PAK3: variants seen among roughly 807,000 people sequenced by gnomAD.
PAK3 encodes the protein serine/threonine-protein kinase PAK 3.
Under a neutral mutation model 41.0 loss-of-function variants are expected in PAK3, and 4 were observed. That is an observed-to-expected ratio of 0.10 (90% CI 0.05 to 0.22). The LOEUF is 0.22. Ranked by LOEUF, PAK3 falls within the 10% of genes least tolerant of loss-of-function variation. The pLI is 1.00. For synonymous variants in PAK3, 146 were observed against 139.6 expected (o/e 1.05, Z -0.32); for missense variants, 205 against 409.9 (o/e 0.50, Z 4.32).
At chrX:110,983,480 C>CAGAGAGAGAGAGAGAGAG (rs768492408) in intron 1 of PAK3, among the ~76,000 whole-genome samples, 3,539 of 99,460 alleles carry the variant, frequency 0.036, 75 homozygotes, top group Non-Finnish European at 0.044. Flanking sequence ...AAGAGAAAGA[C>CAGAGAGAGAGAGAGAGAG]AGAGAGAGAG....
chrX:111,138,810 A>G (rs1271391060), intron 5 of PAK3, among the ~76,000 whole-genome samples: 2 of 110,979 alleles, frequency 1.8e-5, no homozygotes, highest in African/African-American at 3.3e-5. Context: ...CTTTTAACTT[A>G]TGGGTAATAG....
chrX:111,192,450 T>C, intron 12 of PAK3, 56 bp from the exon 13 acceptor site: 4 of 668,361 alleles, frequency 6.0e-6, no homozygotes, highest in Non-Finnish European at 9.9e-6. Flanking sequence ...AAAATATGAA[T>C]ATTCATGTTT....
chrX:111,104,329 A>G (rs984952853), intron 4 of PAK3, among the ~76,000 whole-genome samples: 4 of 111,338 alleles, frequency 3.6e-5, no homozygotes, highest in African/African-American at 1.3e-4. Flanking sequence ...ATTAAAAAAA[A>G]AAAACAGAAA....
At chrX:111,053,312 A>G (rs1051759839) in intron 1 of PAK3, among the ~76,000 whole-genome samples, 4 of 111,494 alleles carry the variant, frequency 3.6e-5, no homozygotes, top group Non-Finnish European at 7.5e-5. Flanking sequence ...TCAGCTTGCT[A>G]CCAGTGTCAG....
chrX:110,965,692 A>G (rs149843904), intron 1 of PAK3, among the ~76,000 whole-genome samples: 97 of 112,422 alleles, frequency 8.6e-4, no homozygotes, highest in African/African-American at 2.9e-3. Context: ...AAGAATAACA[A>G]TAGTACTTCC....
intron 15 of PAK3, among the ~76,000 whole-genome samples, chrX:111,196,194 T>G (rs1302600907): frequency 8.9e-6 from 1 of 112,128 alleles, no homozygotes; most frequent in East Asian, 2.8e-4. Flanking sequence ...TGAAAAATTC[T>G]GTAAGTTTGA....
chrX:111,056,189 C>T (rs1292241030), intron 1 of PAK3, among the ~76,000 whole-genome samples: 1 of 111,485 alleles, frequency 9.0e-6, no homozygotes, highest in Non-Finnish European at 1.9e-5. Flanking sequence ...GTTCCTGGAA[C>T]CAGAATGGTT....
At chrX:111,068,188 A>T (rs2092714904) in intron 1 of PAK3, among the ~76,000 whole-genome samples, 1 of 111,202 alleles carries the variant, frequency 9.0e-6, no homozygotes, top group Non-Finnish European at 1.9e-5. Context: ...TGAAGGTTTG[A>T]CTCTTAAAAA....
Position 111,173,022 on chromosome X carries a change from C to A in PAK3, c.771C>A (p.Ser257Arg), listed in dbSNP as rs1307126288. ...TDEEILEKLR[S>R]IVSVGDPKKK... is the part of the protein sequence containing the mutation. Reference sequence around the variant, plus strand: ...CTCTCCCCACCCATCTCTTAGGAAGCATTGTGAGTGTTGGGGACCCAAAGA... The same window carrying A: ...CTCTCCCCACCCATCTCTTAGGAAGAATTGTGAGTGTTGGGGACCCAAAGA... Residue 257 changes from serine to arginine, a missense_variant, in exon 11 of 18, where the codon AGC (serine) becomes AGA (arginine). Coordinates refer to ENST00000372007, the MANE Select transcript of PAK3 (RefSeq NM_002578.5). 1 of 1,108,961 alleles carries A rather than the reference C, an allele frequency of 9.0e-7. No individual in the cohort carries two copies. The highest frequency in any genetic ancestry group is 1.2e-6 in the Non-Finnish European group (1 of 803,768). The allele number at this position is 1,108,961 out of a possible 1,213,427, so 91.4% of individuals were successfully genotyped here.
At chrX:111,006,839 TTCTTTCTTTC>T (rs1168851244) in intron 1 of PAK3, among the ~76,000 whole-genome samples, 51 of 12,915 alleles carry the variant, frequency 3.9e-3, no homozygotes, top group African/African-American at 5.7e-3. Context: ...CTTTCTTTCT[TTCTTTCTTTC>T]TTTTTTTTTT....
At chrX:111,154,299 T>A (rs1242414069) in intron 8 of PAK3, among the ~76,000 whole-genome samples, 1 of 111,429 alleles carries the variant, frequency 9.0e-6, no homozygotes, top group Non-Finnish European at 1.9e-5. Flanking sequence ...TTATGTTATA[T>A]ATATTTTGCT....
At chrX:111,053,073 T>C (rs888122193) in intron 1 of PAK3, among the ~76,000 whole-genome samples, 1 of 112,196 alleles carries the variant, frequency 8.9e-6, no homozygotes, top group Non-Finnish European at 1.9e-5. Context: ...CTGTGACATA[T>C]TCAGGAATAT....
intron 5 of PAK3, among the ~76,000 whole-genome samples, chrX:111,128,985 C>T (rs756996504): frequency 9.0e-6 from 1 of 110,994 alleles, no homozygotes; most frequent in South Asian, 3.8e-4. Flanking sequence ...TCTTAAAGTA[C>T]TATATAGTTT....
At chrX:111,079,398 T>C (rs2092815763) in intron 1 of PAK3, among the ~76,000 whole-genome samples, 2 of 111,977 alleles carry the variant, frequency 1.8e-5, no homozygotes, top group African/African-American at 6.5e-5. Flanking sequence ...TCTACTCTGA[T>C]TATGCTCCAT....
intron 11 of PAK3, among the ~76,000 whole-genome samples, chrX:111,191,265 A>T (rs1051772524): frequency 2.7e-5 from 3 of 110,798 alleles, no homozygotes; most frequent in South Asian, 3.9e-4. Context: ...CACCTGGCTA[A>T]TTTTTAAATT....
At chrX:111,211,397 G>T (rs1329021868) in intron 16 of PAK3, among the ~76,000 whole-genome samples, 1 of 111,229 alleles carries the variant, frequency 9.0e-6, no homozygotes, top group Non-Finnish European at 1.9e-5. Context: ...ATTGAAAAAG[G>T]TATGTGGGCT....
intron 11 of PAK3, among the ~76,000 whole-genome samples, chrX:111,178,775 T>C (rs1004698831): frequency 2.7e-5 from 3 of 109,845 alleles, no homozygotes; most frequent in Admixed American, 9.8e-5. Flanking sequence ...TTAGAGGGTA[T>C]AGGAATTTAA....
chrX:111,080,151 A>G (rs904284989), intron 1 of PAK3, among the ~76,000 whole-genome samples: 1 of 112,427 alleles, frequency 8.9e-6, no homozygotes, highest in South Asian at 3.7e-4. Context: ...GTTGGAGATC[A>G]TTGACTTCAA....
intron 1 of PAK3, among the ~76,000 whole-genome samples, chrX:111,043,947 C>T (rs1212118496): frequency 8.9e-6 from 1 of 112,160 alleles, no homozygotes; most frequent in Admixed American, 9.5e-5. Flanking sequence ...TACATCCATG[C>T]TTACTCATCT....
Sources: gnomAD v4.1 joint callset for allele counts (sites outside exome capture counted in the v4.1 genomes callset) on GRCh38, gnomAD v4.1.1 for gene constraint, MANE v1.5 for transcripts, NCBI Gene and HGNC (gene_info 2026-07-23, HGNC 2026-07-21) for gene names.